Variants in NEK9 observed in about 807,000 individuals in gnomAD.
The protein encoded by NEK9 is serine/threonine-protein kinase Nek9.
A neutral mutation model predicts 123.4 loss-of-function variants in NEK9; 75 were observed. The observed-to-expected ratio is 0.61, with a 90% CI of 0.50 to 0.74. NEK9 has a LOEUF of 0.74. Ranked by LOEUF, NEK9 falls within the 30% of genes least tolerant of loss-of-function variation. The pLI, the probability that NEK9 is intolerant of heterozygous loss-of-function variation, is 0.00. For missense variants in NEK9, 952 were observed against 1,214.4 expected (o/e 0.78, Z 3.21); for synonymous variants, 438 against 458.7 (o/e 0.95, Z 0.58).
chr14:75,088,896 T>A (rs1262732953), intron 19 of NEK9, among the ~76,000 whole-genome samples: 1 of 152,130 alleles, frequency 6.6e-6, no homozygotes, highest in Non-Finnish European at 1.5e-5. Context: ...ACGCTTATTC[T>A]ACACAGGCTA....
chr14:75,116,292 C>G (rs532507651), intron 6 of NEK9: 1 of 153,864 alleles, frequency 6.5e-6, no homozygotes, highest in African/African-American at 2.4e-5. Flanking sequence ...CAAAAAATAG[C>G]CAGGTGTGGT....
At chr14:75,093,008 C>T (rs1378898190) in intron 18 of NEK9, among the ~76,000 whole-genome samples, 1 of 152,158 alleles carries the variant, frequency 6.6e-6, no homozygotes, top group African/African-American at 2.4e-5. Context: ...GATTATGCTG[C>T]ATTTTAGATA....
chr14:75,101,248 T>C (rs746355230), intron 15 of NEK9, 95 bp from the exon 16 acceptor site: 40 of 1,296,930 alleles, frequency 3.1e-5, no homozygotes, highest in Non-Finnish European at 3.6e-5. Context: ...AGCTTCCGGT[T>C]GTTAGAATAT....
In NEK9 at chr14:75,101,722, T is replaced by C. The variant is rs1205932949; in HGVS notation, c.1775A>G (p.Lys592Arg). The change falls in exon 15 of 22, where the codon AAA (lysine) becomes AGA (arginine). Residue 592 changes from lysine (K) to arginine (R), a missense_variant. Coordinates refer to ENST00000238616, the MANE Select transcript of NEK9 (RefSeq NM_033116.6). ...VPYTTSFTLA[K>R]QLSFYKIRTI... is the part of the protein sequence containing the mutation. ...ACGGATCTTATAAAAGGACAACTGT[T>C]TGGCCAAGGTAAAGGACGTTGTGTA... 1 of 1,613,964 alleles carries C rather than the reference T, an allele frequency of 6.2e-7. No homozygotes were observed. The highest frequency in any genetic ancestry group is 8.5e-7 in the Non-Finnish European group (1 of 1,179,964).
intron 19 of NEK9, among the ~76,000 whole-genome samples, chr14:75,090,876 C>A (rs1470657859): frequency 6.6e-6 from 1 of 152,174 alleles, no homozygotes; most frequent in Non-Finnish European, 1.5e-5. Context: ...CCCAATCCAA[C>A]ATTTTTACTT....
At chr14:75,117,753 A>G (rs1343397605) in intron 5 of NEK9, among the ~76,000 whole-genome samples, 1 of 152,238 alleles carries the variant, frequency 6.6e-6, no homozygotes, top group Non-Finnish European at 1.5e-5. Context: ...AATACGCGCA[A>G]TGAAACTTTT....
intron 8 of NEK9, among the ~76,000 whole-genome samples, chr14:75,112,873 A>C (rs1345191291): frequency 3.3e-5 from 5 of 152,100 alleles, no homozygotes; most frequent in Non-Finnish European, 5.9e-5. Flanking sequence ...CTCACACTAC[A>C]ATTGATAGGC....
intron 3 of NEK9, 164 bp downstream of exon 3, chr14:75,120,955 A>G (rs1448994043): frequency 1.4e-6 from 1 of 709,158 alleles, no homozygotes; most frequent in Admixed American, 2.0e-5. Context: ...AGCTATAGAC[A>G]GCTTCCTTGT....
At chr14:75,106,286 G>A in intron 12 of NEK9, 1 of 594,292 alleles carries the variant, frequency 1.7e-6, no homozygotes, top group Non-Finnish European at 3.0e-6. Context: ...TCGAACTCGG[G>A]AGGTGGTGGT....
chr14:75,116,682 C>T (rs537993957), intron 6 of NEK9: 2 of 180,534 alleles, frequency 1.1e-5, no homozygotes, highest in South Asian at 1.1e-4. Flanking sequence ...GGCTGGAGTA[C>T]AGTGGTGCGA....
At chr14:75,115,111 G>GCACATATATACA (rs1246829995) in intron 6 of NEK9, among the ~76,000 whole-genome samples, 1 of 15,480 alleles carries the variant, frequency 6.5e-5, no homozygotes, top group Non-Finnish European at 1.8e-4. Flanking sequence ...ACACGTGTGT[G>GCACATATATACA]CGTACACACA....
At chr14:75,105,440 C>CA (rs1475251627) in intron 13 of NEK9, among the ~76,000 whole-genome samples, 1 of 152,212 alleles carries the variant, frequency 6.6e-6, no homozygotes, top group African/African-American at 2.4e-5. Context: ...GCTTTTCCCC[C>CA]AGCTGGTATC....
rs865892219 is a variant in NEK9, at chr14:75,092,200, G to A, written c.2234-722C>T. 4.6e-5 allele frequency among the ~76,000 whole-genome samples: 7 copies of A among 151,762 alleles called. No individual in the cohort carries two copies. In the East Asian group the frequency reaches 7.7e-4, roughly 17 times the overall value. On this transcript the variant is annotated intron_variant, in intron 18 of 21. Transcript: ENST00000238616. ...TCACTATGTTGGCCAGGCTGGTCTC[G>A]AACTCAGGTGATCCACCTACCTTGG...
At chr14:75,107,273 A>G (rs1894809190) in intron 11 of NEK9, 70 bp downstream of exon 11, 1 of 1,494,958 alleles carries the variant, frequency 6.7e-7, no homozygotes, top group Non-Finnish European at 9.1e-7. Flanking sequence ...ATCCCAACTA[A>G]GATTGCACAG....
Position 75,095,428 on chromosome 14 carries a change from TTC to T in NEK9, c.2175_2176del (p.Lys726SerfsTer5). On this transcript the variant is annotated frameshift_variant and splice_region_variant, in exon 18 of 22. Coordinates refer to ENST00000238616, the MANE Select transcript of NEK9 (RefSeq NM_033116.6). LOFTEE classifies it high-confidence loss of function. ...ACGGATGGTCTTAGAATTCAATACTTTCTCTGAGAAAAAATATTTGGTAGGTA... is the reference window on the plus strand; with the variant it reads ...ACGGATGGTCTTAGAATTCAATACTTTCTGAGAAAAAATATTTGGTAGGTA... 6.2e-7 allele frequency: 1 copy of T among 1,611,852 alleles called. No individual in the cohort carries two copies. The highest frequency in any genetic ancestry group is 8.5e-7 in the Non-Finnish European group (1 of 1,178,348).
rs568349974 is a variant in NEK9, at chr14:75,126,498, G to C, written c.219+205C>G. 3.3e-5 allele frequency among the ~76,000 whole-genome samples: 5 copies of C among 152,304 alleles called. No individual in the cohort carries two copies. The South Asian group carries it at 1.0e-3, about 32-fold the overall frequency. ...GCTCAAGAGACGGTTAGGTGACTTA[G>C]GACAATCAAAAATGACTAGTCAAAC... On this transcript the variant is annotated intron_variant, in intron 1 of 21. Transcript: ENST00000238616.
At chr14:75,114,456 T>C (rs535309505) in intron 6 of NEK9, 143 bp from the exon 7 acceptor site, 6 of 647,504 alleles carry the variant, frequency 9.3e-6, no homozygotes, top group African/African-American at 9.2e-5. Flanking sequence ...CTAGTATGCA[T>C]CAAAAAAAAA....
rs562092465 is a variant in NEK9 at position 75,084,501 on chromosome 14, C to G, written c.*63G>C. 8.3e-5 allele frequency: 133 copies of G among 1,593,802 alleles called. No homozygotes were observed. In the Middle Eastern group the frequency reaches 2.9e-3, roughly 35 times the overall value. On this transcript the variant is annotated 3_prime_UTR_variant, in exon 22 of 22. Transcript: ENST00000238616. The stretch of plus-strand genomic sequence containing the variant: ...AGCCAGGAAAGCTGCTCTCTGCATT[C>G]GGTAAGTGTGCTGTGAAGTTCTTTG...
intron 21 of NEK9, chr14:75,084,891 A>G: frequency 1.8e-6 from 1 of 543,496 alleles, no homozygotes; most frequent in East Asian, 3.4e-5. Flanking sequence ...GTGACCAACT[A>G]TCCAGGTTTG....
Sources: allele counts gnomAD v4.1 joint callset (sites outside exome capture counted in the v4.1 genomes callset), GRCh38; gene constraint gnomAD v4.1.1; transcripts MANE v1.5; gene names NCBI Gene and HGNC (gene_info 2026-07-23, HGNC 2026-07-21).